DAB1: variants seen among roughly 807,000 people sequenced by gnomAD.
DAB1 encodes disabled homolog 1.
A neutral mutation model predicts 64.6 loss-of-function variants in DAB1; 15 were observed. The ratio of observed to expected loss-of-function variants is 0.23; its 90% CI spans 0.16 to 0.36. DAB1 has a LOEUF of 0.36. DAB1 is among the 10% of genes least tolerant of loss of function. DAB1 has a pLI of 1.00. For missense variants in DAB1, 596 were observed against 706.7 expected, an observed-to-expected ratio of 0.84 and a Z score of 1.78; for synonymous variants, 235 against 251.9, an observed-to-expected ratio of 0.93 and a Z score of 0.64.
At chr1:58,014,293 T>C (rs1646709572) in intron 5 of DAB1, among the ~76,000 whole-genome samples, 1 of 152,254 alleles carries the variant, frequency 6.6e-6, no homozygotes, top group Non-Finnish European at 1.5e-5. Flanking sequence ...AATAAGGTTG[T>C]TTCTACCTAG....
intron 6 of DAB1, 97 bp from the exon 7 acceptor site, chr1:57,071,158 G>A: frequency 1.7e-6 from 2 of 1,210,902 alleles, no homozygotes; most frequent in Non-Finnish European, 1.2e-6. Context: ...AAAGAAACCA[G>A]CTCTGGGCAG....
chr1:57,665,466 T>C (rs1646435384), intron 6 of DAB1, among the ~76,000 whole-genome samples: 1 of 152,150 alleles, frequency 6.6e-6, no homozygotes, highest in African/African-American at 2.4e-5. Flanking sequence ...AATAAGTATT[T>C]GCAACTGTTG....
At chr1:58,424,837 G>A (rs544496592) in intron 3 of DAB1, among the ~76,000 whole-genome samples, 99 of 151,868 alleles carry the variant, frequency 6.5e-4, no homozygotes, top group African/African-American at 2.3e-3. Context: ...GGGAGAAGGA[G>A]GCATCTATGA....
chr1:57,045,314 G>A (rs796495200), intron 9 of DAB1, among the ~76,000 whole-genome samples: 3 of 152,282 alleles, frequency 2.0e-5, no homozygotes, highest in African/African-American at 4.8e-5. Flanking sequence ...AATGGCAGGA[G>A]GAAGGAGGCT....
chr1:57,628,632 T>C (rs35783838), intron 7 of DAB1, among the ~76,000 whole-genome samples: 128 of 152,218 alleles, frequency 8.4e-4, no homozygotes, highest in Non-Finnish European at 1.5e-3. Flanking sequence ...TTTGGTCATA[T>C]ACGACCCTAT....
chr1:57,627,275 T>C (rs906044575), intron 7 of DAB1, among the ~76,000 whole-genome samples: 5 of 152,186 alleles, frequency 3.3e-5, no homozygotes, highest in East Asian at 1.9e-4. Flanking sequence ...AGCTGACTTA[T>C]ACTCACTGGC....
intron 5 of DAB1, among the ~76,000 whole-genome samples, chr1:57,956,362 C>T (rs1232050430): frequency 6.6e-6 from 1 of 152,166 alleles, no homozygotes; most frequent in Non-Finnish European, 1.5e-5. Context: ...GAGAGGGATT[C>T]CTGTAGAGCA....
At chr1:57,929,120 A>T (rs1188135136) in intron 5 of DAB1, among the ~76,000 whole-genome samples, 3 of 152,188 alleles carry the variant, frequency 2.0e-5, no homozygotes, top group Non-Finnish European at 4.4e-5. Flanking sequence ...CTGAGTTCTG[A>T]ACTTGACCAT....
chr1:58,052,261 G>A (rs997082684), intron 5 of DAB1, among the ~76,000 whole-genome samples: 4 of 152,150 alleles, frequency 2.6e-5, no homozygotes, highest in African/African-American at 7.2e-5. Context: ...CTTTCTACAT[G>A]TGGCTAGCCA....
intron 4 of DAB1, among the ~76,000 whole-genome samples, chr1:57,105,384 GGT>G (rs140805735): frequency 6.7e-6 from 1 of 149,272 alleles, no homozygotes; most frequent in Non-Finnish European, 1.5e-5. Flanking sequence ...CCCAGTGTGT[GGT>G]GTGTGTGTGT....
At chr1:58,321,481 G>A (rs1348202419) in intron 4 of DAB1, among the ~76,000 whole-genome samples, 1 of 152,248 alleles carries the variant, frequency 6.6e-6, no homozygotes, top group African/African-American at 2.4e-5. Flanking sequence ...GGAAGTGCAA[G>A]GGGTCGGGAG....
intron 5 of DAB1, among the ~76,000 whole-genome samples, chr1:58,113,909 G>A (rs1031164387): frequency 6.6e-6 from 1 of 151,758 alleles, no homozygotes; most frequent in Admixed American, 6.6e-5. Flanking sequence ...AATAATATAG[G>A]AAGGTGCCCC....
At chr1:57,457,942 T>G (rs1448994146) in intron 7 of DAB1, among the ~76,000 whole-genome samples, 8 of 152,042 alleles carry the variant, frequency 5.3e-5, no homozygotes, top group Admixed American at 6.6e-5. Context: ...AAGAGCAAAA[T>G]GACAGCCAAT....
intron 3 of DAB1, among the ~76,000 whole-genome samples, chr1:58,379,839 C>A (rs979126918): frequency 6.6e-6 from 1 of 152,112 alleles, no homozygotes; most frequent in Non-Finnish European, 1.5e-5. Flanking sequence ...CAAATTGTCC[C>A]CCAGTATTTT....
rs563872536 is a variant in DAB1, at chr1:57,342,356, G to A, written c.-136-51190C>T. The stretch of plus-strand genomic sequence containing the variant: ...TGCTGTATTATAAGAATGTTTTTAT[G>A]TGTCTGCCTCTGTGCTGAGTTTCTT... On this transcript the variant is annotated intron_variant, in intron 1 of 14. Coordinates refer to ENST00000371236, the MANE Select transcript of DAB1 (RefSeq NM_001365792.1). Among the ~76,000 whole-genome samples the A allele has an allele frequency of 3.9e-5, 6 of 152,260 alleles. No homozygotes were observed. In the East Asian group the frequency reaches 1.2e-3, roughly 29 times the overall value.
intron 2 of DAB1, among the ~76,000 whole-genome samples, chr1:57,243,993 C>T (rs935720772): frequency 6.6e-6 from 1 of 152,180 alleles, no homozygotes; most frequent in African/African-American, 2.4e-5. Context: ...CTTTCACATT[C>T]CTCCTTTCCT....
intron 6 of DAB1, among the ~76,000 whole-genome samples, chr1:57,695,389 A>AAAAGAAAGAAGAAAGAAAG (rs1557427893): frequency 1.3e-5 from 1 of 74,670 alleles, no homozygotes; most frequent in Non-Finnish European, 2.9e-5. Context: ...AGAAAGAAAG[A>AAAAGAAAGAAGAAAGAAAG]AAGAAAGAAA....
intron 3 of DAB1, among the ~76,000 whole-genome samples, chr1:58,390,108 G>A (rs1309758764): frequency 1.3e-5 from 2 of 152,106 alleles, no homozygotes; most frequent in Non-Finnish European, 2.9e-5. Context: ...GGAGGCTGGG[G>A]GAAGGGAGAG....
Position 58,228,456 on chromosome 1 carries a change from A to C in DAB1, n.310-77868T>G, listed in dbSNP as rs538642635. Among the ~76,000 whole-genome samples the C allele has an allele frequency of 6.6e-5, 10 of 152,254 alleles. No homozygotes were observed. In the East Asian group the frequency reaches 1.7e-3, roughly 26 times the overall value. ...AACCTTCCCTCCCTGGGCAATGGCAAGAACTTTGGAGACCAGCCTTTGGGG... is the reference window on the plus strand; with the variant it reads ...AACCTTCCCTCCCTGGGCAATGGCACGAACTTTGGAGACCAGCCTTTGGGG... On this transcript the variant is annotated intron_variant and non_coding_transcript_variant, in intron 4 of 20. Transcript: ENST00000485760.
Sources: allele counts gnomAD v4.1 joint callset (sites outside exome capture counted in the v4.1 genomes callset), GRCh38; gene constraint gnomAD v4.1.1; transcripts MANE v1.5; gene names NCBI Gene and HGNC (gene_info 2026-07-23, HGNC 2026-07-21).